SH3GL3: variants seen among roughly 807,000 people sequenced by gnomAD.
SH3GL3 encodes SH3 domain containing GRB2 like 3, endophilin A3.
In SH3GL3, 33 loss-of-function variants were observed where a neutral mutation model predicts 47.7. The observed-to-expected ratio is 0.69, with a 90% CI of 0.52 to 0.92. The LOEUF (loss-of-function observed/expected upper bound fraction) is 0.92. Ranked by LOEUF, SH3GL3 falls within the 40% of genes least tolerant of loss-of-function variation. The probability of loss-of-function intolerance (pLI) is 0.00; values close to 1 mark genes in which losing one functional copy is unlikely to be tolerated. For missense variants in SH3GL3, 363 were observed against 417.8 expected, an observed-to-expected ratio of 0.87 and a Z score of 1.14; for synonymous variants, 155 against 148.8, an observed-to-expected ratio of 1.04 and a Z score of -0.30.
intron 8 of SH3GL3, among the ~76,000 whole-genome samples, chr15:83,615,837 C>T (rs2060798039): frequency 6.6e-6 from 1 of 151,714 alleles, no homozygotes; most frequent in Non-Finnish European, 1.5e-5. Flanking sequence ...AGATATTTAC[C>T]TCATTTTGCC....
intron 1 of SH3GL3, among the ~76,000 whole-genome samples, chr15:83,481,623 T>C (rs936670964): frequency 3.9e-5 from 6 of 152,196 alleles, no homozygotes; most frequent in Admixed American, 1.3e-4. Context: ...ATCATATATC[T>C]GAAAGAGCAC....
chr15:83,476,703 T>C (rs1479745117), intron 1 of SH3GL3, among the ~76,000 whole-genome samples: 10 of 152,238 alleles, frequency 6.6e-5, no homozygotes, highest in Admixed American at 6.5e-4. Flanking sequence ...TTTACCTACT[T>C]GTTGTCTCTG....
intron 1 of SH3GL3, among the ~76,000 whole-genome samples, chr15:83,550,341 T>C (rs1596237998): frequency 3.3e-5 from 5 of 152,312 alleles, no homozygotes; most frequent in Admixed American, 2.6e-4. Flanking sequence ...AAATGCCACA[T>C]CTTACATATA....
At chr15:83,594,704 G>A (rs2060194829) in intron 8 of SH3GL3, among the ~76,000 whole-genome samples, 2 of 152,178 alleles carry the variant, frequency 1.3e-5, no homozygotes, top group Admixed American at 1.3e-4. Context: ...ATGTCCCCCA[G>A]TTGAGATTTG....
rs545160106 is a variant in SH3GL3, at chr15:83,449,885, A to G, written c.45+2307A>G. Reference sequence around the variant, plus strand: ...TTCTAAAAAATCTTGCAATGCAACAATTTGGTGGAGAAATCAGACCGGTTT... The same window carrying G: ...TTCTAAAAAATCTTGCAATGCAACAGTTTGGTGGAGAAATCAGACCGGTTT... On this transcript the variant is annotated intron_variant, in intron 1 of 8. Coordinates refer to ENST00000427482, the MANE Select transcript of SH3GL3 (RefSeq NM_003027.5). Among the ~76,000 whole-genome samples the G allele has an allele frequency of 5.3e-5, 8 of 152,332 alleles. No individual in the cohort carries two copies. In the South Asian group the frequency reaches 1.7e-3, roughly 32 times the overall value.
intron 8 of SH3GL3, among the ~76,000 whole-genome samples, chr15:83,591,790 A>G (rs141308780): frequency 0.025 from 3,877 of 152,198 alleles, 89 homozygotes; most frequent in Middle Eastern, 0.058. Flanking sequence ...GGTTCAGGCC[A>G]TTCTCCTGCC....
chr15:83,585,037 C>T (rs916717295), intron 6 of SH3GL3, among the ~76,000 whole-genome samples: 1 of 152,196 alleles, frequency 6.6e-6, no homozygotes, highest in Non-Finnish European at 1.5e-5. Context: ...CAGCTCAATG[C>T]TCATGACCTG....
At chr15:83,617,415 G>A (rs377639128) in intron 8 of SH3GL3, among the ~76,000 whole-genome samples, 3 of 152,078 alleles carry the variant, frequency 2.0e-5, no homozygotes, top group African/African-American at 4.8e-5. Flanking sequence ...AGTGGATCAC[G>A]CCTGTAATCC....
At chr15:83,566,365 A>T (rs140034055) in intron 3 of SH3GL3, among the ~76,000 whole-genome samples, 15,193 of 136,364 alleles carry the variant, frequency 0.11, 1,127 homozygotes, top group Non-Finnish European at 0.16. Flanking sequence ...AGAGAGAGAG[A>T]GTGTGTGTGT....
At chr15:83,617,635 C>A (rs1175682824) in intron 8 of SH3GL3, among the ~76,000 whole-genome samples, 1 of 152,144 alleles carries the variant, frequency 6.6e-6, no homozygotes, top group Non-Finnish European at 1.5e-5. Flanking sequence ...AGGATCGCAC[C>A]ATTGCACTCC....
intron 1 of SH3GL3, chr15:83,489,086 G>A (rs1390552140): frequency 1.3e-5 from 2 of 152,146 alleles, no homozygotes. Flanking sequence ...TAGCAGAATG[G>A]GTGCCTTGTA....
At chr15:83,492,111 C>T (rs371067496) in intron 1 of SH3GL3, among the ~76,000 whole-genome samples, 3 of 151,804 alleles carry the variant, frequency 2.0e-5, no homozygotes, top group African/African-American at 4.8e-5. Context: ...GGTGAAACCC[C>T]GTCTCTACTA....
chr15:83,490,265 G>GTT lies in SH3GL3; in HGVS notation c.45+42704_45+42705dup, dbSNP rs1196742768. On this transcript the variant is annotated intron_variant, in intron 1 of 8. Coordinates refer to ENST00000427482, the MANE Select transcript of SH3GL3 (RefSeq NM_003027.5). ...AACACTGCCCCTTTAGTGATTTTGC[G>GTT]TTTTTTTTTTTTTTTTTTCCGCTGA... Among the ~76,000 whole-genome samples, 873 of 133,066 alleles carry GTT rather than the reference G, an allele frequency of 6.6e-3. 23 individuals carry two copies. The highest frequency in any genetic ancestry group is 0.024 in the African/African-American group (800 of 33,850). 87.3% of individuals were successfully genotyped at this position (133,066 alleles called of 152,430 possible).
downstream of SH3GL3, among the ~76,000 whole-genome samples, chr15:83,622,083 C>T (rs986288642): frequency 5.3e-5 from 8 of 152,178 alleles, no homozygotes; most frequent in Non-Finnish European, 1.2e-4. Flanking sequence ...TACTATGTGC[C>T]AGGTGCTGTT....
intron 1 of SH3GL3, among the ~76,000 whole-genome samples, chr15:83,508,243 G>C (rs148272528): frequency 1.3e-5 from 2 of 151,836 alleles, no homozygotes; most frequent in African/African-American, 4.8e-5. Flanking sequence ...CCCAGCCCAG[G>C]CACAATTTTA....
intron 8 of SH3GL3, among the ~76,000 whole-genome samples, chr15:83,593,043 C>T (rs1293184524): frequency 1.3e-5 from 2 of 152,242 alleles, no homozygotes; most frequent in East Asian, 3.8e-4. Flanking sequence ...AGCAGTATCA[C>T]ATAGTGCACT....
chr15:83,521,461 G>A (rs928794405), intron 1 of SH3GL3, among the ~76,000 whole-genome samples: 1 of 152,126 alleles, frequency 6.6e-6, no homozygotes, highest in African/African-American at 2.4e-5. Flanking sequence ...GATGGGGAGG[G>A]GAGAGCTGGG....
chr15:83,550,796 T>C (rs1039565845), intron 1 of SH3GL3, among the ~76,000 whole-genome samples: 2 of 152,218 alleles, frequency 1.3e-5, no homozygotes, highest in Non-Finnish European at 2.9e-5. Context: ...GTTTTTGTTT[T>C]TGTTTGTTTG....
At chr15:83,583,391 G>A (rs1300871842) in intron 6 of SH3GL3, among the ~76,000 whole-genome samples, 1 of 152,176 alleles carries the variant, frequency 6.6e-6, no homozygotes, top group Non-Finnish European at 1.5e-5. Context: ...TAGTCCTCTT[G>A]CAGAGTTGGC....
Sources: allele counts gnomAD v4.1 joint callset (sites outside exome capture counted in the v4.1 genomes callset), GRCh38; gene constraint gnomAD v4.1.1; transcripts MANE v1.5; gene names NCBI Gene and HGNC (gene_info 2026-07-23, HGNC 2026-07-21).